Variants in RPS6KC1 observed in about 807,000 individuals in gnomAD.
The protein encoded by RPS6KC1 is ribosomal protein S6 kinase C1, also known as inactive ribosomal protein S6 kinase delta-1.
In RPS6KC1, 54 loss-of-function variants were observed where a neutral mutation model predicts 103.8. That is an observed-to-expected ratio of 0.52 (90% CI 0.42 to 0.65). The LOEUF is 0.65. RPS6KC1 is among the 30% of genes least tolerant of loss of function. RPS6KC1 has a pLI of 0.00. For synonymous variants in RPS6KC1, 439 were observed against 438.7 expected (o/e 1.00, Z -0.01); for missense variants, 1,151 against 1,253.8 (o/e 0.92, Z 1.24).
the RPS6KC1 span, among the ~76,000 whole-genome samples, chr1:213,686,542 T>C: frequency 1.4e-4 from 22 of 152,322 alleles, no homozygotes; most frequent in African/African-American, 5.3e-4. Context: ...TTCCTTATTT[T>C]TTAAAAATGC....
At chr1:213,355,133 A>G in the RPS6KC1 span, among the ~76,000 whole-genome samples, 4 of 151,992 alleles carry the variant, frequency 2.6e-5, no homozygotes, top group Non-Finnish European at 5.9e-5. Flanking sequence ...CAGGAGAATC[A>G]CTTGAACCCA....
At chr1:213,378,771 G>T in the RPS6KC1 span, among the ~76,000 whole-genome samples, 2 of 152,238 alleles carry the variant, frequency 1.3e-5, no homozygotes, top group Non-Finnish European at 2.9e-5. Context: ...AGCAAGAGCA[G>T]TATGTGCATA....
At chr1:213,442,186 C>T in the RPS6KC1 span, among the ~76,000 whole-genome samples, 4 of 152,114 alleles carry the variant, frequency 2.6e-5, no homozygotes, top group African/African-American at 9.7e-5. Context: ...CTGACACTAC[C>T]CTGATTCCTA....
At chr1:213,563,200 C>T in the RPS6KC1 span, among the ~76,000 whole-genome samples, 8 of 152,008 alleles carry the variant, frequency 5.3e-5, no homozygotes, top group African/African-American at 1.9e-4. Context: ...ATAAATTGTC[C>T]TTTTTACCAT....
chr1:213,280,397 G>A, the RPS6KC1 span, among the ~76,000 whole-genome samples: 2 of 152,188 alleles, frequency 1.3e-5, no homozygotes, highest in Admixed American at 6.5e-5. Context: ...CTTGTATAGT[G>A]TTGGGTTTTC....
intron 10 of RPS6KC1, among the ~76,000 whole-genome samples, chr1:213,237,569 C>T (rs2094251232): frequency 6.6e-6 from 1 of 151,648 alleles, no homozygotes; most frequent in African/African-American, 2.4e-5. Context: ...AGATTTTTTT[C>T]AAGTTGAATT....
chr1:213,255,977 A>G (rs1351122598), intron 12 of RPS6KC1, among the ~76,000 whole-genome samples: 1 of 152,250 alleles, frequency 6.6e-6, no homozygotes, highest in Non-Finnish European at 1.5e-5. Flanking sequence ...GTCATTTTGA[A>G]CAGTTTCAAG....
chr1:213,576,406 C>T, the RPS6KC1 span, among the ~76,000 whole-genome samples: 69 of 137,942 alleles, frequency 5.0e-4, no homozygotes, highest in Non-Finnish European at 8.1e-4. Flanking sequence ...GAAGGTTTTT[C>T]GCAACCCTGA....
chr1:213,393,172 C>T, the RPS6KC1 span, among the ~76,000 whole-genome samples: 1 of 152,334 alleles, frequency 6.6e-6, no homozygotes, highest in South Asian at 2.1e-4. Context: ...AGTGTCCCCT[C>T]CCTCAACCCC....
chr1:213,557,515 A>G, the RPS6KC1 span, among the ~76,000 whole-genome samples: 2 of 152,206 alleles, frequency 1.3e-5, no homozygotes, highest in Admixed American at 1.3e-4. Flanking sequence ...CCACACCTCC[A>G]TGTCCAGTGC....
chr1:213,532,353 A>AG, the RPS6KC1 span, among the ~76,000 whole-genome samples: 82,482 of 151,938 alleles, frequency 0.54, 26,390 homozygotes, highest in East Asian at 0.86. Flanking sequence ...TTACAGGGGG[A>AG]GGGGCTTACG....
At chr1:213,104,860 C>G (rs558482792) in intron 4 of RPS6KC1, among the ~76,000 whole-genome samples, 2 of 151,482 alleles carry the variant, frequency 1.3e-5, no homozygotes, top group East Asian at 3.9e-4. Flanking sequence ...CTCAAGCCTC[C>G]TGTTGCCTCA....
chr1:213,683,763 C>CT, the RPS6KC1 span, among the ~76,000 whole-genome samples: 1 of 152,198 alleles, frequency 6.6e-6, no homozygotes. Flanking sequence ...CGTTCCCCAC[C>CT]TGTTGCTGTG....
At chr1:213,116,125 G>A (rs1249631140) in intron 4 of RPS6KC1, among the ~76,000 whole-genome samples, 26 of 151,188 alleles carry the variant, frequency 1.7e-4, no homozygotes, top group South Asian at 6.3e-4. Context: ...TTTCTGTCTC[G>A]TTGATCTGTC....
At chr1:213,822,045 G>A in the RPS6KC1 span, 4 of 152,200 alleles carry the variant, frequency 2.6e-5, no homozygotes, top group Non-Finnish European at 5.9e-5. Context: ...AGAACTGCTG[G>A]TTTCAGAAAG....
chr1:213,152,598 G>A (rs2089310593), intron 6 of RPS6KC1, among the ~76,000 whole-genome samples: 3 of 150,052 alleles, frequency 2.0e-5, no homozygotes, highest in South Asian at 2.1e-4. Flanking sequence ...TCACATCCCA[G>A]ACGGGGCGGC....
the RPS6KC1 span, among the ~76,000 whole-genome samples, chr1:213,382,750 C>T: frequency 2.0e-4 from 30 of 152,324 alleles, no homozygotes; most frequent in Admixed American, 4.6e-4. Flanking sequence ...GCCAAAGGCA[C>T]AGGCCATTTT....
At chr1:213,227,634 G>A (rs1003346526) in intron 8 of RPS6KC1, among the ~76,000 whole-genome samples, 2 of 152,156 alleles carry the variant, frequency 1.3e-5, no homozygotes, top group African/African-American at 4.8e-5. Flanking sequence ...TTTGCTGGCT[G>A]TCAGCCAAGG....
At chr1:213,529,517 C>G in the RPS6KC1 span, among the ~76,000 whole-genome samples, 1 of 152,214 alleles carries the variant, frequency 6.6e-6, no homozygotes, top group Non-Finnish European at 1.5e-5. Flanking sequence ...CATACACATA[C>G]ACACAGAAAC....
Sources: gnomAD v4.1 joint callset for allele counts (sites outside exome capture counted in the v4.1 genomes callset) on GRCh38, gnomAD v4.1.1 for gene constraint, MANE v1.5 for transcripts, NCBI Gene and HGNC (gene_info 2026-07-23, HGNC 2026-07-21) for gene names.